The following FAM120A variants were observed in gnomAD, a reference collection of about 807,000 sequenced individuals.
FAM120A encodes the protein family with sequence similarity 120 member A, also known as constitutive coactivator of PPAR-gamma-like protein 1.
Under a neutral mutation model 109.7 loss-of-function variants are expected in FAM120A, and 15 were observed. The ratio of observed to expected loss-of-function variants is 0.14; its 90% CI spans 0.09 to 0.21. The LOEUF is 0.21. Ranked by LOEUF, FAM120A falls within the 10% of genes least tolerant of loss-of-function variation. The probability of loss-of-function intolerance (pLI) is 1.00; values close to 1 mark genes in which losing one functional copy is unlikely to be tolerated. For synonymous variants in FAM120A, 493 were observed against 572.8 expected, an observed-to-expected ratio of 0.86 and a Z score of 1.99; for missense variants, 899 against 1,439.3, an observed-to-expected ratio of 0.62 and a Z score of 6.07.
At chr9:93,494,411 C>A (rs918505801) in intron 3 of FAM120A, among the ~76,000 whole-genome samples, 4 of 152,210 alleles carry the variant, frequency 2.6e-5, no homozygotes, top group African/African-American at 9.6e-5. Flanking sequence ...GCCAAGTCTC[C>A]ATCCTGCACG....
intron 2 of FAM120A, among the ~76,000 whole-genome samples, chr9:93,475,535 T>C (rs1339833327): frequency 6.6e-6 from 1 of 152,218 alleles, no homozygotes; most frequent in Non-Finnish European, 1.5e-5. Context: ...GAGATTTCAA[T>C]GAGATAGCTA....
intron 12 of FAM120A, among the ~76,000 whole-genome samples, chr9:93,554,463 A>G: frequency 6.6e-6 from 1 of 152,154 alleles, no homozygotes; most frequent in East Asian, 1.9e-4. Flanking sequence ...ACATGAGGCC[A>G]CGAGTTTGAG....
chr9:93,456,180 T>G (rs1407238936), intron 1 of FAM120A, among the ~76,000 whole-genome samples: 1 of 152,228 alleles, frequency 6.6e-6, no homozygotes. Flanking sequence ...GCTAGTTACT[T>G]GGACAGTGTT....
intron 2 of FAM120A, among the ~76,000 whole-genome samples, chr9:93,472,595 G>A (rs2131263939): frequency 6.6e-6 from 1 of 152,242 alleles, no homozygotes; most frequent in South Asian, 2.1e-4. Context: ...TTCTATAGAG[G>A]CTAGCAGTCC....
At chr9:93,515,348 C>T (rs1353043572) in intron 5 of FAM120A, among the ~76,000 whole-genome samples, 2 of 152,236 alleles carry the variant, frequency 1.3e-5, no homozygotes, top group African/African-American at 2.4e-5. Context: ...ACAGAGAATC[C>T]CCACCAAGTT....
At chr9:93,537,663 G>A (rs1029866190) in intron 10 of FAM120A, among the ~76,000 whole-genome samples, 3 of 151,852 alleles carry the variant, frequency 2.0e-5, no homozygotes, top group African/African-American at 7.3e-5. Flanking sequence ...AAGAAAAGCC[G>A]AAAGGAGCAT....
At position 93,452,122 on chromosome 9, in the gene FAM120A, C is replaced by T. The variant is rs1308317462; in HGVS notation, c.207C>T (p.Gly69=). 6.2e-7 allele frequency: 1 copy of T among 1,610,836 alleles called. No individual in the cohort carries two copies. The highest frequency in any genetic ancestry group is 8.5e-7 in the Non-Finnish European group (1 of 1,179,590). Residue 69 remains glycine (G), a synonymous_variant, in exon 1 of 18, where the codon GGC becomes GGT. Transcript: ENST00000277165. The surrounding 1 kb of genome is among the most constrained non-coding windows in gnomAD (Gnocchi z 7.0). ...GGFYTDWVSG[G]QWNHMLGYLA... ...TCTACACCGACTGGGTCAGCGGCGGCCAGTGGAACCACATGCTTGGCTACC... is the reference window on the plus strand; with the variant it reads ...TCTACACCGACTGGGTCAGCGGCGGTCAGTGGAACCACATGCTTGGCTACC...
At chr9:93,466,957 C>G (rs1858051436) in intron 1 of FAM120A, among the ~76,000 whole-genome samples, 1 of 152,080 alleles carries the variant, frequency 6.6e-6, no homozygotes, top group African/African-American at 2.4e-5. Flanking sequence ...TGCACTGTTT[C>G]CCAGGTACTC....
rs1264651563 is a variant in FAM120A, at chr9:93,475,968, AC to A, written c.722-286del. Among the ~76,000 whole-genome samples the A allele has an allele frequency of 2.0e-5, 3 of 152,148 alleles. No homozygotes were observed. The East Asian group carries it at 5.8e-4, about 29-fold the overall frequency. On this transcript the variant is annotated intron_variant, in intron 2 of 17. Transcript: ENST00000277165. The stretch of plus-strand genomic sequence containing the variant: ...TTGATATCCTGACATTGTCAGACTG[AC>A]CTTTTGCAAACTGGTGTTTATTTTT...
chr9:93,452,994 G>A lies in FAM120A; in HGVS notation c.474+605G>A, dbSNP rs919533012. The A allele has an allele frequency of 1.6e-6, 2 of 1,276,088 alleles. No homozygotes were observed. Among genetic ancestry groups the A allele is most frequent in the Non-Finnish European group, 2.0e-6 (2 of 1,010,494 alleles). 79.0% of individuals were successfully genotyped at this position (1,276,088 alleles called of 1,614,324 possible). The stretch of plus-strand genomic sequence containing the variant: ...CCTGTCCGTGTTCCTCTTAGTACAG[G>A]GTGTTTAGAGAATCTTTCTATGGCT... On this transcript the variant is annotated intron_variant, in intron 1 of 17. Coordinates refer to ENST00000277165, the MANE Select transcript of FAM120A (RefSeq NM_014612.5). The surrounding 1 kb of genome is among the most constrained non-coding windows in gnomAD (Gnocchi z 7.0).
chr9:93,491,047 T>C (rs1859289162), intron 3 of FAM120A, among the ~76,000 whole-genome samples: 1 of 152,194 alleles, frequency 6.6e-6, no homozygotes, highest in Non-Finnish European at 1.5e-5. Context: ...CACATACTGC[T>C]TGTTCTGAAA....
At chr9:93,473,872 A>G (rs958132955) in intron 2 of FAM120A, among the ~76,000 whole-genome samples, 3 of 152,222 alleles carry the variant, frequency 2.0e-5, no homozygotes, top group African/African-American at 7.2e-5. Context: ...GGAAAGTTCC[A>G]TGTTTGCTTA....
In FAM120A at chr9:93,550,713, A is replaced by G. The variant is rs763101051; in HGVS notation, c.2274+22A>G. 12 of 1,583,134 alleles carry G rather than the reference A, an allele frequency of 7.6e-6. No individual in the cohort carries two copies. The South Asian group carries it at 1.2e-4, about 16-fold the overall frequency. On this transcript the variant is annotated intron_variant, in intron 12 of 17. Transcript: ENST00000277165. Reference sequence around the variant, plus strand: ...CAAGGTAATTTATCAGCCTCATTGCATTGTCTTGGACAGTCTCACTTTGGA... The same window carrying G: ...CAAGGTAATTTATCAGCCTCATTGCGTTGTCTTGGACAGTCTCACTTTGGA...
In FAM120A at chr9:93,494,195, T is replaced by C. The variant is rs888092667; in HGVS notation, c.805-3276T>C. Among the ~76,000 whole-genome samples, 8 of 152,314 alleles carry C rather than the reference T, an allele frequency of 5.3e-5. No homozygotes were observed. In the East Asian group the frequency reaches 1.5e-3, roughly 29 times the overall value. On this transcript the variant is annotated intron_variant, in intron 3 of 17. Transcript: ENST00000277165. ...TGCCCTTGTGCCCTGCAGAGAGGCC[T>C]CTCGCCAATCGGACTTTGGATTTGT...
At chr9:93,553,400 C>G (rs973651712) in intron 12 of FAM120A, among the ~76,000 whole-genome samples, 1 of 152,182 alleles carries the variant, frequency 6.6e-6, no homozygotes, top group East Asian at 1.9e-4. Flanking sequence ...GTATTAGGGG[C>G]ATGCAACATG....
intron 13 of FAM120A, 26 bp from the exon 14 acceptor site, chr9:93,557,801 T>G (rs1862339360): frequency 3.7e-6 from 6 of 1,601,020 alleles, no homozygotes; most frequent in Non-Finnish European, 4.3e-6. Context: ...GGATGGCATT[T>G]TCACATGCTG....
At position 93,564,451 on chromosome 9, in the gene FAM120A, A is replaced by G; in HGVS notation, c.3268A>G (p.Thr1090Ala). Residue 1090 changes from threonine to alanine, a missense_variant, in exon 18 of 18, where the codon ACA becomes GCA. Thr to Ala is a moderately conservative substitution (Grantham distance 58). Transcript: ENST00000277165. Reference protein sequence around the residue: ...ALNNDSKTCNTNPHLNALSTD... With the variant: ...ALNNDSKTCNANPHLNALSTD... ...GAATAATGACTCTAAAACGTGCAAT[A>G]CAAATCCTCATTTAAATGCACTAAG... The G allele has an allele frequency of 1.2e-6, 2 of 1,614,252 alleles. No individual in the cohort carries two copies. The highest frequency in any genetic ancestry group is 2.2e-5 in the South Asian group (2 of 91,088).
At chr9:93,461,850 A>C (rs187164883) in intron 1 of FAM120A, among the ~76,000 whole-genome samples, 1 of 152,238 alleles carries the variant, frequency 6.6e-6, no homozygotes, top group Non-Finnish European at 1.5e-5. Context: ...AGAATGTTCA[A>C]CTGGTAAGCA....
intron 1 of FAM120A, chr9:93,453,180 G>A (rs1210244865): frequency 1.0e-6 from 1 of 1,001,516 alleles, no homozygotes; most frequent in Non-Finnish European, 1.2e-6. Flanking sequence ...ACGCGGGCGT[G>A]AACTCGCAGG....
Sources: gnomAD v4.1 joint callset for allele counts (sites outside exome capture counted in the v4.1 genomes callset) on GRCh38, gnomAD v4.1.1 for gene constraint, Gnocchi (gnomAD v3.1) non-coding constraint, MANE v1.5 for transcripts, NCBI Gene and HGNC (gene_info 2026-07-23, HGNC 2026-07-21) for gene names.